TRPV1: variants seen among roughly 807,000 people sequenced by gnomAD.
TRPV1 encodes the protein OTRPC1.
TRPV1 carries 82 observed loss-of-function variants against 82.3 expected under a neutral mutation model. The ratio of observed to expected loss-of-function variants is 1.00; its 90% CI spans 0.83 to 1.20. TRPV1 has a LOEUF of 1.20. Among genes scored for constraint, TRPV1 ranks in the 50% most tolerant of loss-of-function variants. TRPV1 has a pLI of 0.00. For missense variants in TRPV1, 1,067 were observed against 1,096.8 expected, an observed-to-expected ratio of 0.97 and a Z score of 0.38; for synonymous variants, 515 against 467.7, an observed-to-expected ratio of 1.10 and a Z score of -1.30.
intron 10 of TRPV1, among the ~76,000 whole-genome samples, chr17:3,582,082 C>T (rs548322188): frequency 7.0e-6 from 1 of 142,626 alleles, no homozygotes; most frequent in South Asian, 2.3e-4. Context: ...CCCAGCTACT[C>T]GGGAGGCTGA....
intron 8 of TRPV1, among the ~76,000 whole-genome samples, chr17:3,587,373 C>T (rs2075097766): frequency 6.6e-6 from 1 of 152,188 alleles, no homozygotes. Flanking sequence ...CCAAGTCTGC[C>T]TTAGGAGCTC....
intron 2 of TRPV1, among the ~76,000 whole-genome samples, chr17:3,594,148 A>G (rs2075194982): frequency 8.1e-6 from 1 of 123,746 alleles, no homozygotes; most frequent in African/African-American, 5.5e-5. Context: ...AAAAAAAAAA[A>G]AAAAGAAGCA....
chr17:3,573,270 C>T (rs1010972775), intron 14 of TRPV1, among the ~76,000 whole-genome samples: 7 of 152,150 alleles, frequency 4.6e-5, no homozygotes, highest in Non-Finnish European at 1.0e-4. Flanking sequence ...GACACCCTGT[C>T]GGGCTGAGCC....
At chr17:3,598,161 C>T (rs947895619) in intron 2 of TRPV1, among the ~76,000 whole-genome samples, 8 of 152,212 alleles carry the variant, frequency 5.3e-5, no homozygotes, top group African/African-American at 1.9e-4. Context: ...GGCCCAAATG[C>T]CCTGCAAAAA....
At chr17:3,598,365 C>G (rs927239361) in intron 2 of TRPV1, among the ~76,000 whole-genome samples, 3 of 152,138 alleles carry the variant, frequency 2.0e-5, no homozygotes, top group Non-Finnish European at 4.4e-5. Flanking sequence ...TTCCCAAACC[C>G]GCTCTCGCAG....
intron 2 of TRPV1, among the ~76,000 whole-genome samples, chr17:3,597,776 C>T (rs556831286): frequency 3.2e-4 from 48 of 149,416 alleles, no homozygotes; most frequent in Admixed American, 2.8e-3. Context: ...CAGGTTTAAG[C>T]GATTCTCCTG....
chr17:3,587,234 C>CA (rs2075096476), intron 8 of TRPV1, among the ~76,000 whole-genome samples: 1 of 152,208 alleles, frequency 6.6e-6, no homozygotes. Flanking sequence ...CCAGGTTCAG[C>CA]ATGGCAGCCC....
At chr17:3,570,164 A>G (rs767046161) in intron 16 of TRPV1, among the ~76,000 whole-genome samples, 1 of 152,084 alleles carries the variant, frequency 6.6e-6, no homozygotes, top group Non-Finnish European at 1.5e-5. Flanking sequence ...ACCTGAGGTC[A>G]GGAGACCAAC....
In TRPV1 at chr17:3,581,927, A is replaced by T. The variant is rs548187606; in HGVS notation, c.1477-1400T>A. 6.5e-4 allele frequency among the ~76,000 whole-genome samples: 94 copies of T among 145,356 alleles called. 2 individuals carry two copies. Among genetic ancestry groups the T allele is most frequent in the Non-Finnish European group, 1.2e-3 (79 of 66,602 alleles). Reference sequence around the variant, plus strand: ...ACAATGGGGCCAGGCACAGTGGCTCACACCTGTAATCCCAGCACTTTGGGA... The same window carrying T: ...ACAATGGGGCCAGGCACAGTGGCTCTCACCTGTAATCCCAGCACTTTGGGA... On this transcript the variant is annotated intron_variant, in intron 10 of 16. Transcript: ENST00000572705.
chr17:3,576,668 A>AAAAAAAAAAAAAAATATATATATAT, intron 13 of TRPV1, among the ~76,000 whole-genome samples: 15 of 38,390 alleles, frequency 3.9e-4, no homozygotes, highest in Non-Finnish European at 4.7e-4. Flanking sequence ...AAAAAAAAAA[A>AAAAAAAAAAAAAAATATATATATAT]ATATATATAT....
At chr17:3,571,475 A>G (rs1597511009) in intron 16 of TRPV1, 49 bp downstream of exon 16, 1 of 1,455,348 alleles carries the variant, frequency 6.9e-7, no homozygotes, top group East Asian at 2.5e-5. Flanking sequence ...CCTGCCCAAC[A>G]TCAGGCCACC....
chr17:3,567,794 A>G (rs925447126), intron 16 of TRPV1, among the ~76,000 whole-genome samples: 1 of 151,918 alleles, frequency 6.6e-6, no homozygotes, highest in Non-Finnish European at 1.5e-5. Context: ...AAAAAAGAAA[A>G]AAATTATAAA....
chr17:3,598,875 A>T (rs1358460064), intron 2 of TRPV1, among the ~76,000 whole-genome samples: 1 of 149,812 alleles, frequency 6.7e-6, no homozygotes, highest in South Asian at 2.1e-4. Flanking sequence ...CCGCTTAGAC[A>T]CCTGTTTATG....
chr17:3,571,419 G>A, intron 16 of TRPV1, 105 bp downstream of exon 16: 1 of 883,138 alleles, frequency 1.1e-6, no homozygotes, highest in South Asian at 1.6e-5. Context: ...CCGGGTCCTG[G>A]GGGGATGAGG....
Position 3,588,328 on chromosome 17 carries a change from C to T in TRPV1, c.1084G>A (p.Glu362Lys), listed in dbSNP as rs201718475. The T allele has an allele frequency of 2.8e-4, 443 of 1,565,740 alleles. No homozygotes were observed. The highest frequency in any genetic ancestry group is 3.6e-4 in the Non-Finnish European group (411 of 1,155,488). Reference sequence around the variant, plus strand: ...AACTTCCTGGACAGGTGCCTGCACTCGGGCTCCTGGATCTCCCGCTGGAGA... The same window carrying T: ...AACTTCCTGGACAGGTGCCTGCACTTGGGCTCCTGGATCTCCCGCTGGAGA... ...YILQREIQEP[E>K]CRHLSRKFTE... Residue 362 changes from glutamate (E) to lysine (K), a missense_variant, in exon 8 of 17, where the codon GAG (glutamate) becomes AAG (lysine). Glu to Lys is a moderately conservative substitution (Grantham distance 56). Coordinates refer to ENST00000572705, the MANE Select transcript of TRPV1 (RefSeq NM_080704.4).
chr17:3,581,548 A>G (rs927300340), intron 10 of TRPV1, among the ~76,000 whole-genome samples: 1 of 152,196 alleles, frequency 6.6e-6, no homozygotes, highest in Non-Finnish European at 1.5e-5. Flanking sequence ...TGACTGAAAA[A>G]AAAAACTGGA....
At chr17:3,588,638 G>T (rs547841763) in intron 7 of TRPV1, among the ~76,000 whole-genome samples, 103 of 151,176 alleles carry the variant, frequency 6.8e-4, no homozygotes, top group African/African-American at 2.4e-3. Context: ...GCAAAATCCT[G>T]TTTTTACTGA....
At chr17:3,596,525 C>A (rs1027595994) in intron 2 of TRPV1, among the ~76,000 whole-genome samples, 19 of 152,222 alleles carry the variant, frequency 1.2e-4, no homozygotes, top group Non-Finnish European at 7.3e-5. Context: ...CAGCCCTGCG[C>A]TCGTCCACTC....
chr17:3,582,082 C>G (rs548322188), intron 10 of TRPV1, among the ~76,000 whole-genome samples: 1 of 142,632 alleles, frequency 7.0e-6, no homozygotes, highest in South Asian at 2.3e-4. Flanking sequence ...CCCAGCTACT[C>G]GGGAGGCTGA....
Sources: allele counts gnomAD v4.1 joint callset (sites outside exome capture counted in the v4.1 genomes callset), GRCh38; gene constraint gnomAD v4.1.1; transcripts MANE v1.5; gene names NCBI Gene and HGNC (gene_info 2026-07-23, HGNC 2026-07-21).